Variants in PCSK2 observed in about 807,000 individuals in gnomAD.
The protein encoded by PCSK2 is proprotein convertase subtilisin/kexin type 2.
In PCSK2, 14 loss-of-function variants were observed where a neutral mutation model predicts 69.7. The ratio of observed to expected loss-of-function variants is 0.20; its 90% CI spans 0.13 to 0.31. The LOEUF is 0.31. PCSK2 is among the 10% of genes least tolerant of loss of function. PCSK2 has a pLI of 1.00. For synonymous variants in PCSK2, 307 were observed against 320.7 expected (o/e 0.96, Z 0.46); for missense variants, 544 against 842.5 (o/e 0.65, Z 4.39).
chr20:17,303,474 T>TA (rs1989186799), intron 2 of PCSK2, among the ~76,000 whole-genome samples: 5 of 47,142 alleles, frequency 1.1e-4, no homozygotes, highest in Non-Finnish European at 1.7e-4. Flanking sequence ...ATATATATTA[T>TA]ATATAATATA....
intron 5 of PCSK2, among the ~76,000 whole-genome samples, chr20:17,387,700 T>C (rs765843529): frequency 7.2e-5 from 11 of 152,192 alleles, no homozygotes; most frequent in Non-Finnish European, 1.3e-4. Flanking sequence ...GTCAGCCTTG[T>C]TCATTGTAGG....
At chr20:17,362,449 C>A (rs941521359) in intron 4 of PCSK2, among the ~76,000 whole-genome samples, 1 of 152,206 alleles carries the variant, frequency 6.6e-6, no homozygotes, top group Non-Finnish European at 1.5e-5. Flanking sequence ...GCAAGTTCCA[C>A]TGGAGTCTAT....
chr20:17,424,308 G>A (rs1056684133), intron 6 of PCSK2, among the ~76,000 whole-genome samples: 11 of 152,172 alleles, frequency 7.2e-5, no homozygotes, highest in Non-Finnish European at 1.2e-4. Flanking sequence ...ATTTTATACA[G>A]TTTGAAACAT....
chr20:17,261,279 C>T (rs1180488153), intron 2 of PCSK2, among the ~76,000 whole-genome samples: 3 of 152,166 alleles, frequency 2.0e-5, no homozygotes, highest in Non-Finnish European at 2.9e-5. Context: ...TGATGAAAAG[C>T]GTGTCAGATG....
intron 2 of PCSK2, among the ~76,000 whole-genome samples, chr20:17,344,841 A>G (rs1439644224): frequency 6.6e-6 from 1 of 152,058 alleles, no homozygotes; most frequent in Non-Finnish European, 1.5e-5. Flanking sequence ...GATGGTGCCC[A>G]ACCTAAGCCC....
At chr20:17,449,819 A>G (rs1192635859) in intron 8 of PCSK2, among the ~76,000 whole-genome samples, 1 of 151,292 alleles carries the variant, frequency 6.6e-6, no homozygotes, top group Non-Finnish European at 1.5e-5. Context: ...GAGCCACTGC[A>G]CCTGGCACAT....
At chr20:17,481,428 TACTC>T (rs1281847484) in intron 11 of PCSK2, among the ~76,000 whole-genome samples, 152 bp from the exon 12 acceptor site, 7 of 142,314 alleles carry the variant, frequency 4.9e-5, no homozygotes, top group Non-Finnish European at 7.5e-5. Context: ...ATAAGTAACT[TACTC>T]AGGCTCACAC....
chr20:17,347,886 A>AGAG (rs1990710434), intron 2 of PCSK2, among the ~76,000 whole-genome samples: 1 of 15,778 alleles, frequency 6.3e-5, no homozygotes, highest in Non-Finnish European at 2.0e-4. Context: ...GAAAGAAAGA[A>AGAG]AGAAAGAAAG....
In PCSK2 at chr20:17,484,507, A is replaced by T. The variant is rs1183567095; in HGVS notation, c.*2437A>T. ...TAACATTGTTGCTCCCTGTGACAAA[A>T]TTTTATAAGCAAATTTCAAAAGACA... is the stretch of plus-strand genomic sequence containing the variant. On this transcript the variant is annotated 3_prime_UTR_variant, in exon 12 of 12. Coordinates refer to ENST00000262545, the MANE Select transcript of PCSK2 (RefSeq NM_002594.5). The T allele has an allele frequency of 6.6e-6, 1 of 152,512 alleles. No individual in the cohort carries two copies. The highest frequency in any genetic ancestry group is 1.5e-5 in the Non-Finnish European group (1 of 67,992). The allele number at this position is 152,512 out of a possible 1,614,324, so 9.4% of individuals were successfully genotyped here.
intron 8 of PCSK2, among the ~76,000 whole-genome samples, chr20:17,447,403 T>C (rs2032720691): frequency 6.6e-6 from 1 of 152,168 alleles, no homozygotes; most frequent in East Asian, 1.9e-4. Context: ...AATTCAACTT[T>C]AGTGAAAAAA....
At chr20:17,465,576 C>T (rs2033087566) in intron 11 of PCSK2, 23 bp downstream of exon 11, 1 of 1,457,310 alleles carries the variant, frequency 6.9e-7, no homozygotes, top group Non-Finnish European at 9.4e-7. Context: ...AGTGGTCCCT[C>T]TGCTGCATGT....
chr20:17,481,449 T>G (rs2033400403), intron 11 of PCSK2, 135 bp from the exon 12 acceptor site: 2 of 603,006 alleles, frequency 3.3e-6, no homozygotes, highest in Non-Finnish European at 5.8e-6. Flanking sequence ...ACACAGCCAG[T>G]GTGGGAACTA....
intron 6 of PCSK2, among the ~76,000 whole-genome samples, chr20:17,412,178 C>T (rs1644706836): frequency 1.3e-5 from 2 of 152,184 alleles, no homozygotes; most frequent in African/African-American, 4.8e-5. Context: ...TGGAAAATGA[C>T]TTTGATGAGT....
At chr20:17,370,679 G>T (rs1255224818) in intron 5 of PCSK2, among the ~76,000 whole-genome samples, 1 of 152,118 alleles carries the variant, frequency 6.6e-6, no homozygotes, top group Non-Finnish European at 1.5e-5. Context: ...TACTGAACAT[G>T]AGTGGAGCTG....
rs146681708 is a variant in PCSK2 at position 17,355,908 on chromosome 20, C to G, written c.283-2419C>G. On this transcript the variant is annotated intron_variant, in intron 2 of 11. Transcript: ENST00000262545. ...AACCATCCTTAGAGTACAGGGGAAT[C>G]AAGGATGAATTTGCCCAACTTTGTT... 2.7e-3 allele frequency among the ~76,000 whole-genome samples: 407 copies of G among 152,278 alleles called. 1 individual carries two copies. The highest frequency in any genetic ancestry group is 9.1e-3 in the African/African-American group (380 of 41,554).
chr20:17,405,129 C>T (rs2123295762), intron 5 of PCSK2, among the ~76,000 whole-genome samples: 1 of 152,288 alleles, frequency 6.6e-6, no homozygotes, highest in African/African-American at 2.4e-5. Flanking sequence ...TCACAGCAAC[C>T]AACTAGTAAC....
intron 1 of PCSK2, among the ~76,000 whole-genome samples, chr20:17,234,653 G>A (rs1986265702): frequency 6.6e-6 from 1 of 151,954 alleles, no homozygotes; most frequent in Non-Finnish European, 1.5e-5. Flanking sequence ...AGGGAAAGAG[G>A]GGAAATACAC....
At chr20:17,239,869 T>G (rs954741673) in intron 1 of PCSK2, among the ~76,000 whole-genome samples, 2 of 143,696 alleles carry the variant, frequency 1.4e-5, no homozygotes, top group East Asian at 2.0e-4. Flanking sequence ...TTTTTTTTTT[T>G]TGTGAGATGA....
intron 5 of PCSK2, among the ~76,000 whole-genome samples, chr20:17,378,994 T>C (rs928131206): frequency 1.3e-5 from 2 of 152,224 alleles, no homozygotes; most frequent in Non-Finnish European, 2.9e-5. Context: ...CAAAAACCTT[T>C]AGGTGACCAA....
Sources: allele counts gnomAD v4.1 joint callset (sites outside exome capture counted in the v4.1 genomes callset), GRCh38; gene constraint gnomAD v4.1.1; transcripts MANE v1.5; gene names NCBI Gene and HGNC (gene_info 2026-07-23, HGNC 2026-07-21).